SLC35F4: variants seen among roughly 807,000 people sequenced by gnomAD.
The protein encoded by SLC35F4 is chromosome 14 open reading frame 36.
In SLC35F4, 24 loss-of-function variants were observed where a neutral mutation model predicts 44.2. That is an observed-to-expected ratio of 0.54 (90% CI 0.39 to 0.76). The LOEUF is 0.76. SLC35F4 is among the 30% of genes least tolerant of loss of function. The pLI, the probability that SLC35F4 is intolerant of heterozygous loss-of-function variation, is 0.00. For missense variants in SLC35F4, 562 were observed against 586.1 expected, an observed-to-expected ratio of 0.96 and a Z score of 0.42; for synonymous variants, 238 against 223.6, an observed-to-expected ratio of 1.06 and a Z score of -0.57.
chr14:57,974,540 CT>C (rs1881153870), downstream of SLC35F4, among the ~76,000 whole-genome samples: 1 of 152,058 alleles, frequency 6.6e-6, no homozygotes, highest in African/African-American at 2.4e-5. Context: ...ATATTTACTG[CT>C]TGCTTAGATC....
chr14:57,945,210 G>A (rs1430037333), intron 1 of SLC35F4, among the ~76,000 whole-genome samples: 1 of 152,044 alleles, frequency 6.6e-6, no homozygotes, highest in Non-Finnish European at 1.5e-5. Flanking sequence ...ACCCTGTTAA[G>A]GTGGCTGTTT....
chr14:57,582,943 G>C lies in SLC35F4; in HGVS notation c.588-1510C>G, dbSNP rs1384240966. Among the ~76,000 whole-genome samples the C allele has an allele frequency of 2.0e-5, 3 of 152,186 alleles. No homozygotes were observed. In the East Asian group the frequency reaches 5.8e-4, roughly 29 times the overall value. ...TTCATAGTAAATGTGACTTTCAACT[G>C]GATGAGAATGTTGGGAGTTGCAGGT... On this transcript the variant is annotated intron_variant, in intron 3 of 7. Coordinates refer to ENST00000556826, the MANE Select transcript of SLC35F4 (RefSeq NM_001306087.2).
intron 1 of SLC35F4, among the ~76,000 whole-genome samples, chr14:57,680,176 C>T (rs1452097547): frequency 1.3e-5 from 2 of 152,012 alleles, no homozygotes; most frequent in African/African-American, 4.8e-5. Flanking sequence ...TTATCCACCA[C>T]GATCAAGTCA....
intron 1 of SLC35F4, among the ~76,000 whole-genome samples, chr14:57,658,745 T>C (rs1452388704): frequency 6.6e-6 from 1 of 152,160 alleles, no homozygotes; most frequent in East Asian, 1.9e-4. Context: ...TACAGATATA[T>C]GGATGTCACC....
chr14:57,783,003 C>T (rs1816365068), intron 1 of SLC35F4, among the ~76,000 whole-genome samples: 2 of 151,948 alleles, frequency 1.3e-5, no homozygotes, highest in South Asian at 4.2e-4. Flanking sequence ...AGGAAGGGAG[C>T]TGGGAGGGAG....
At chr14:57,981,661 T>A (rs1210731163) in intron 1 of SLC35F4, among the ~76,000 whole-genome samples, 7 of 152,160 alleles carry the variant, frequency 4.6e-5, no homozygotes, top group African/African-American at 1.7e-4. Flanking sequence ...ACTTTTATTA[T>A]CCACGGTGGT....
At chr14:57,879,277 T>C (rs1325805590) in intron 1 of SLC35F4, among the ~76,000 whole-genome samples, 2 of 152,086 alleles carry the variant, frequency 1.3e-5, no homozygotes, top group South Asian at 2.1e-4. Context: ...TCAGAAAACA[T>C]AGGTTCTATC....
intron 1 of SLC35F4, among the ~76,000 whole-genome samples, chr14:57,787,527 A>G (rs1015477855): frequency 2.0e-5 from 3 of 152,194 alleles, no homozygotes; most frequent in African/African-American, 7.2e-5. Context: ...CAGGTAACCT[A>G]TAAAGAAAAA....
chr14:57,784,604 G>C (rs1240507060), intron 1 of SLC35F4, among the ~76,000 whole-genome samples: 2 of 152,162 alleles, frequency 1.3e-5, no homozygotes, highest in Non-Finnish European at 1.5e-5. Context: ...TTGCGCCCAG[G>C]AGGTTGACGC....
intron 1 of SLC35F4, among the ~76,000 whole-genome samples, chr14:57,676,285 A>G (rs1490459787): frequency 1.3e-5 from 2 of 152,170 alleles, no homozygotes; most frequent in East Asian, 1.9e-4. Flanking sequence ...TTGCAGCAAC[A>G]TGGATAGATC....
chr14:57,942,550 T>C (rs1889934040), intron 1 of SLC35F4, among the ~76,000 whole-genome samples: 1 of 152,210 alleles, frequency 6.6e-6, no homozygotes, highest in Non-Finnish European at 1.5e-5. Flanking sequence ...CTGGATTCTG[T>C]GGAGTTTTTG....
intron 1 of SLC35F4, among the ~76,000 whole-genome samples, chr14:57,891,343 T>A (rs1383810070): frequency 6.6e-6 from 1 of 152,152 alleles, no homozygotes; most frequent in Admixed American, 6.5e-5. Context: ...TCACCTGCCC[T>A]CATGGAGTTT....
At chr14:57,621,410 T>G (rs146735534) in intron 1 of SLC35F4, among the ~76,000 whole-genome samples, 4,228 of 152,096 alleles carry the variant, frequency 0.028, 79 homozygotes, top group Middle Eastern at 0.054. Context: ...CTACCTGACT[T>G]CAAACTACAC....
At chr14:57,743,913 C>A in intron 1 of SLC35F4, among the ~76,000 whole-genome samples, 1 of 152,138 alleles carries the variant, frequency 6.6e-6, no homozygotes, top group Middle Eastern at 3.4e-3. Flanking sequence ...ATGCAAGCCT[C>A]GTTCAACAGA....
At chr14:57,958,894 C>T (rs1055234933) in intron 1 of SLC35F4, among the ~76,000 whole-genome samples, 1 of 152,174 alleles carries the variant, frequency 6.6e-6, no homozygotes, top group Non-Finnish European at 1.5e-5. Flanking sequence ...GAGAGGGTTA[C>T]AAAAGTTAGA....
intron 2 of SLC35F4, among the ~76,000 whole-genome samples, chr14:57,591,796 C>G (rs1395238045): frequency 2.0e-5 from 3 of 152,286 alleles, no homozygotes; most frequent in South Asian, 4.1e-4. Context: ...AAAGGTGTAC[C>G]CTACTACACT....
chr14:57,950,770 G>A (rs774657632), intron 1 of SLC35F4, among the ~76,000 whole-genome samples: 3 of 147,408 alleles, frequency 2.0e-5, no homozygotes, highest in Non-Finnish European at 3.0e-5. Context: ...CCAGGTTAAA[G>A]CAATTCTCCT....
intron 1 of SLC35F4, among the ~76,000 whole-genome samples, chr14:57,897,985 C>G (rs187005748): frequency 6.6e-6 from 1 of 152,260 alleles, no homozygotes; most frequent in Non-Finnish European, 1.5e-5. Context: ...ATTTAAATAT[C>G]TTTGAATATA....
chr14:57,579,782 T>C (rs769469392), intron 4 of SLC35F4, among the ~76,000 whole-genome samples: 2 of 152,226 alleles, frequency 1.3e-5, no homozygotes, highest in Admixed American at 6.5e-5. Context: ...GGATGACTTA[T>C]GTTGATATAT....
Sources: gnomAD v4.1 joint callset for allele counts (sites outside exome capture counted in the v4.1 genomes callset) on GRCh38, gnomAD v4.1.1 for gene constraint, MANE v1.5 for transcripts, NCBI Gene and HGNC (gene_info 2026-07-23, HGNC 2026-07-21) for gene names.